Variants in CFAP52 observed in about 807,000 individuals in gnomAD.
CFAP52 encodes cilia and flagella associated protein 52.
Under a neutral mutation model 70.5 loss-of-function variants are expected in CFAP52, and 57 were observed. The observed-to-expected ratio is 0.81, with a 90% CI of 0.65 to 1.01. CFAP52 has a LOEUF of 1.01. Ranked by LOEUF, CFAP52 falls within the 50% of genes least tolerant of loss-of-function variation. The pLI, the probability that CFAP52 is intolerant of heterozygous loss-of-function variation, is 0.00. For missense variants in CFAP52, 785 were observed against 788.5 expected (o/e 1.00, Z 0.05); for synonymous variants, 267 against 292.5 (o/e 0.91, Z 0.89).
chr17:9,577,641 A>G (rs1342443250), intron 1 of CFAP52, among the ~76,000 whole-genome samples: 1 of 152,220 alleles, frequency 6.6e-6, no homozygotes, highest in African/African-American at 2.4e-5. Flanking sequence ...CTCTTGGTTT[A>G]ACTTTAACAG....
At chr17:9,633,897 G>A (rs1910661887) in intron 10 of CFAP52, among the ~76,000 whole-genome samples, 1 of 151,690 alleles carries the variant, frequency 6.6e-6, no homozygotes, top group African/African-American at 2.4e-5. Flanking sequence ...TAGCCAGGAT[G>A]GTCTCGATCT....
intron 6 of CFAP52, among the ~76,000 whole-genome samples, chr17:9,607,152 C>G (rs969791849): frequency 6.6e-6 from 1 of 152,134 alleles, no homozygotes; most frequent in African/African-American, 2.4e-5. Flanking sequence ...TCGAGACCAG[C>G]CTGGCCAACA....
Position 9,597,818 on chromosome 17 carries a change from A to AGG in CFAP52, c.537-415_537-414insGG, listed in dbSNP as rs1163780705. ...CTCTGTCAGAAAGAGAGAGAGAGAG[A>AGG]GAGAGAGAGAGAAAGAGAGAAAGAG... On this transcript the variant is annotated intron_variant, in intron 4 of 13. Transcript: ENST00000352665. Among the ~76,000 whole-genome samples the AGG allele has an allele frequency of 2.0e-5, 3 of 151,290 alleles. No individual in the cohort carries two copies. The East Asian group carries it at 5.8e-4, about 29-fold the overall frequency.
chr17:9,642,154 C>A (rs1911094000), intron 13 of CFAP52, among the ~76,000 whole-genome samples: 1 of 152,190 alleles, frequency 6.6e-6, no homozygotes, highest in South Asian at 2.1e-4. Context: ...GTCCAGCATA[C>A]TTCTAAAGTC....
At chr17:9,599,052 T>C (rs1909150996) in intron 5 of CFAP52, among the ~76,000 whole-genome samples, 2 of 152,218 alleles carry the variant, frequency 1.3e-5, no homozygotes, top group Admixed American at 1.3e-4. Context: ...TATTAATATA[T>C]TTTAAATGTG....
At chr17:9,630,466 G>C (rs1250183282) in intron 9 of CFAP52, among the ~76,000 whole-genome samples, 2 of 130,388 alleles carry the variant, frequency 1.5e-5, no homozygotes, top group Non-Finnish European at 3.2e-5. Flanking sequence ...GTCTTTTTCT[G>C]TCTCCCAGGC....
chr17:9,638,509 C>T lies in CFAP52; in HGVS notation c.1473-100C>T, dbSNP rs141074400. The stretch of plus-strand genomic sequence containing the variant: ...TGAGATGTTTGGCATGGAGATAAAC[C>T]AACCCAAATCCCAGCTTGCACCAAA... On this transcript the variant is annotated intron_variant, in intron 11 of 13. Coordinates refer to ENST00000352665, the MANE Select transcript of CFAP52 (RefSeq NM_145054.5). The T allele has an allele frequency of 3.3e-5, 38 of 1,134,754 alleles. No individual in the cohort carries two copies. In the African/African-American group the frequency reaches 4.9e-4, roughly 15 times the overall value. 70.3% of individuals were successfully genotyped at this position (1,134,754 alleles called of 1,614,324 possible). A position where few individuals can be genotyped will look rare whatever the true frequency, so the allele number is the denominator to read the frequency against.
At chr17:9,631,490 C>A (rs982899871) in intron 9 of CFAP52, among the ~76,000 whole-genome samples, 25 of 152,226 alleles carry the variant, frequency 1.6e-4, no homozygotes, top group Admixed American at 3.9e-4. Flanking sequence ...AGGGTGCCAG[C>A]CATTTGAAGA....
Position 9,608,181 on chromosome 17 carries a change from G to T in CFAP52, c.816G>T (p.Leu272=). 4 of 1,612,300 alleles carry T rather than the reference G, an allele frequency of 2.5e-6. No homozygotes were observed. The highest frequency in any genetic ancestry group is 2.2e-5 in the South Asian group (2 of 90,818). The change falls in exon 7 of 14, where the codon CTG becomes CTT. Residue 272 remains leucine (L), a synonymous_variant. Transcript: ENST00000352665. ...TGTTGGTGGGCTCTGGAGCCGGACT[G>T]CTGGTCTTCTGTAAAAGCCCTGGCT... The part of the protein sequence containing the change: ...GGLLVGSGAG[L]LVFCKSPGYK...
In CFAP52 at chr17:9,638,661, T is replaced by C; in HGVS notation, c.1525T>C (p.Cys509Arg). Residue 509 changes from cysteine (C) to arginine (R), a missense_variant, in exon 12 of 14, where the codon TGC (cysteine) becomes CGC (arginine). Transcript: ENST00000352665. ...AGCCAACACCTTATTCCAGTGTGTG[T>C]GCTATCACCCTGAGGAGTTCCAGAT... is the stretch of plus-strand genomic sequence containing the variant. ...ILANTLFQCV[C>R]YHPEEFQIIT... 4 of 1,614,158 alleles carry C rather than the reference T, an allele frequency of 2.5e-6. No individual in the cohort carries two copies. The highest frequency in any genetic ancestry group is 3.4e-6 in the Non-Finnish European group (4 of 1,180,032).
intron 9 of CFAP52, among the ~76,000 whole-genome samples, chr17:9,631,258 C>T (rs1180017266): frequency 1.3e-5 from 2 of 151,808 alleles, no homozygotes; most frequent in Non-Finnish European, 2.9e-5. Flanking sequence ...TACTACTCAC[C>T]CCTTCTAGCC....
At chr17:9,596,069 A>G (rs866583801) in intron 4 of CFAP52, among the ~76,000 whole-genome samples, 1,673 of 119,948 alleles carry the variant, frequency 0.014, 51 homozygotes, top group Middle Eastern at 0.04. Flanking sequence ...GTATATATAT[A>G]TATATATATA....
intron 8 of CFAP52, among the ~76,000 whole-genome samples, chr17:9,624,862 T>A (rs1910180634): frequency 6.6e-6 from 1 of 152,216 alleles, no homozygotes; most frequent in Non-Finnish European, 1.5e-5. Flanking sequence ...TCATCTGTTA[T>A]TCTCATGACT....
At chr17:9,607,065 G>A (rs911835153) in intron 6 of CFAP52, among the ~76,000 whole-genome samples, 1 of 152,192 alleles carries the variant, frequency 6.6e-6, no homozygotes. Context: ...AAATGTTGTG[G>A]CTGAGTGTGG....
rs1567634119 is a variant in CFAP52, at chr17:9,629,500, C to CTTTCTTTT, written c.1174+683_1174+684insCTTTTTTT. ...CTTTCTTTCTTTCTTTCTTTCTTTT[C>CTTTCTTTT]TTTTCTTTCTTTCTTTCTTCTTTCT... On this transcript the variant is annotated intron_variant, in intron 9 of 13. Coordinates refer to ENST00000352665, the MANE Select transcript of CFAP52 (RefSeq NM_145054.5). 2.3e-3 allele frequency among the ~76,000 whole-genome samples: 310 copies of CTTTCTTTT among 133,568 alleles called. 1 individual carries two copies. Among genetic ancestry groups the CTTTCTTTT allele is most frequent in the Admixed American group, 4.6e-3 (64 of 14,036 alleles). 87.6% of individuals were successfully genotyped at this position (133,568 alleles called of 152,430 possible). A position where few individuals can be genotyped will look rare whatever the true frequency, so the allele number is the denominator to read the frequency against.
intron 4 of CFAP52, among the ~76,000 whole-genome samples, chr17:9,596,723 T>TG (rs1488121638): frequency 1.4e-5 from 2 of 143,252 alleles, no homozygotes; most frequent in African/African-American, 2.5e-5. Flanking sequence ...TGTGTGTGTG[T>TG]TTTTTTTTTG....
chr17:9,601,138 C>G (rs1909249097), intron 6 of CFAP52, among the ~76,000 whole-genome samples: 1 of 151,814 alleles, frequency 6.6e-6, no homozygotes, highest in Non-Finnish European at 1.5e-5. Flanking sequence ...TGGATACCAT[C>G]ATTCTCAGCA....
intron 7 of CFAP52, among the ~76,000 whole-genome samples, chr17:9,611,494 A>G (rs979099833): frequency 1.3e-5 from 2 of 152,030 alleles, no homozygotes; most frequent in East Asian, 1.9e-4. Context: ...AGCTGGGACT[A>G]TAGGTGCGCA....
intron 11 of CFAP52, among the ~76,000 whole-genome samples, chr17:9,636,226 A>AGAAG (rs1491259410): frequency 2.0e-5 from 3 of 150,140 alleles, no homozygotes; most frequent in Non-Finnish European, 4.4e-5. Flanking sequence ...AAAGAAAGAA[A>AGAAG]GAAAGAAAGA....
Sources: gnomAD v4.1 joint callset for allele counts (sites outside exome capture counted in the v4.1 genomes callset) on GRCh38, gnomAD v4.1.1 for gene constraint, MANE v1.5 for transcripts, NCBI Gene and HGNC (gene_info 2026-07-23, HGNC 2026-07-21) for gene names.